The following COL11A1 variants were observed in gnomAD, a reference collection of about 807,000 sequenced individuals.
COL11A1 encodes collagen type XI alpha 1 chain, also known as collagen alpha-1(XI) chain.
A neutral mutation model predicts 265.2 loss-of-function variants in COL11A1; 74 were observed. That is an observed-to-expected ratio of 0.28 (90% CI 0.23 to 0.34). COL11A1 has a LOEUF of 0.34. COL11A1 is among the 10% of genes least tolerant of loss of function. COL11A1 has a pLI of 1.00. For missense variants in COL11A1, 2,165 were observed against 2,263.6 expected (o/e 0.96, Z 0.88); for synonymous variants, 816 against 727.6 (o/e 1.12, Z -1.96).
intron 56 of COL11A1, 44 bp from the exon 57 acceptor site, chr1:102,898,222 A>G: frequency 1.1e-6 from 1 of 896,282 alleles, no homozygotes; most frequent in South Asian, 3.5e-5. Flanking sequence ...TAATAAAATA[A>G]TACATATTTA....
At chr1:103,020,415 C>T (rs371261982) in intron 9 of COL11A1, among the ~76,000 whole-genome samples, 27 of 130,432 alleles carry the variant, frequency 2.1e-4, no homozygotes, top group South Asian at 5.7e-4. Flanking sequence ...TCATGTCCTT[C>T]GCCCACTTTT....
intron 35 of COL11A1, among the ~76,000 whole-genome samples, chr1:102,975,262 G>T (rs1327504977): frequency 2.6e-5 from 3 of 117,108 alleles, no homozygotes; most frequent in Admixed American, 8.4e-5. Flanking sequence ...CCACAGCCCC[G>T]CTTAAAAAAA....
At chr1:103,027,638 C>T (rs1044171195) in intron 5 of COL11A1, among the ~76,000 whole-genome samples, 1 of 151,742 alleles carries the variant, frequency 6.6e-6, no homozygotes, top group East Asian at 1.9e-4. Context: ...TTTAATCTTC[C>T]AGCAAAAGAA....
chr1:102,953,611 G>A (rs1660098669), intron 41 of COL11A1, among the ~76,000 whole-genome samples: 1 of 152,148 alleles, frequency 6.6e-6, no homozygotes, highest in African/African-American at 2.4e-5. Context: ...TTAGAGGACT[G>A]TAAGTGAACA....
At chr1:102,962,791 T>G (rs1557877317) in intron 38 of COL11A1, 31 bp from the exon 39 acceptor site, 3 of 1,591,994 alleles carry the variant, frequency 1.9e-6, no homozygotes, top group Non-Finnish European at 2.6e-6. Flanking sequence ...CACTTTAGAT[T>G]GCTCTTTTAT....
At chr1:103,007,729 G>A (rs142600682) in intron 15 of COL11A1, among the ~76,000 whole-genome samples, 3,746 of 151,896 alleles carry the variant, frequency 0.025, 60 homozygotes, top group Middle Eastern at 0.092. Context: ...GCATGGTGGC[G>A]CATGCCTGTA....
intron 24 of COL11A1, 33 bp downstream of exon 24, chr1:103,001,892 A>T: frequency 6.2e-7 from 1 of 1,606,420 alleles, no homozygotes; most frequent in Non-Finnish European, 8.5e-7. Context: ...AAACATGTTC[A>T]CCAGGCTTTA....
intron 49 of COL11A1, among the ~76,000 whole-genome samples, chr1:102,916,710 A>G (rs1333055755): frequency 6.6e-6 from 1 of 151,982 alleles, no homozygotes; most frequent in Non-Finnish European, 1.5e-5. Flanking sequence ...TACCCACTTA[A>G]TGGTGGAGAC....
At chr1:102,951,808 G>C (rs72985732) in intron 41 of COL11A1, among the ~76,000 whole-genome samples, 2,110 of 152,064 alleles carry the variant, frequency 0.014, 48 homozygotes, top group African/African-American at 0.048. Context: ...GTAGTCAAGA[G>C]AAATTTTTCA....
At chr1:103,043,150 A>G (rs1426676201) in intron 4 of COL11A1, among the ~76,000 whole-genome samples, 1 of 146,714 alleles carries the variant, frequency 6.8e-6, no homozygotes, top group Non-Finnish European at 1.5e-5. Context: ...TATAATGAAT[A>G]CCTGAAATAC....
chr1:103,088,076 C>T (rs1270280278), intron 1 of COL11A1, among the ~76,000 whole-genome samples: 1 of 152,172 alleles, frequency 6.6e-6, no homozygotes, highest in African/African-American at 2.4e-5. Context: ...TTGATCCTTT[C>T]TCCCTTGTTG....
intron 62 of COL11A1, among the ~76,000 whole-genome samples, chr1:102,887,867 C>T (rs1386961428): frequency 6.6e-6 from 1 of 152,118 alleles, no homozygotes; most frequent in African/African-American, 2.4e-5. Context: ...GGAAAGACAG[C>T]CACCACAAGC....
chr1:103,050,159 T>C (rs998148564), intron 4 of COL11A1, among the ~76,000 whole-genome samples: 33 of 152,346 alleles, frequency 2.2e-4, no homozygotes, highest in Admixed American at 6.5e-5. Context: ...CCTTGCTAGA[T>C]TGGGGAAGTT....
At chr1:102,934,264 C>A (rs1226651643) in intron 46 of COL11A1, among the ~76,000 whole-genome samples, 185 bp downstream of exon 46, 1 of 152,132 alleles carries the variant, frequency 6.6e-6, no homozygotes, top group Non-Finnish European at 1.5e-5. Flanking sequence ...GAGAATTAAT[C>A]ATACATGATA....
rs768163272 is a variant in COL11A1, at chr1:103,082,910, T to C, written c.169A>G (p.Thr57Ala). 6.2e-7 allele frequency: 1 copy of C among 1,613,588 alleles called. No individual in the cohort carries two copies. Among genetic ancestry groups the C allele is most frequent in the South Asian group, 1.1e-5 (1 of 91,038 alleles). The change falls in exon 2 of 67, where the codon ACA (threonine) becomes GCA (alanine). Residue 57 changes from threonine (T) to alanine (A), a missense_variant. Coordinates refer to ENST00000370096, the MANE Select transcript of COL11A1 (RefSeq NM_001854.4). The part of the protein sequence containing the change: ...FHNSPEGISK[T>A]TGFCTNRKNS... The stretch of plus-strand genomic sequence containing the variant: ...TTTCTGTTTGTGCAAAATCCCGTTG[T>C]TTTTGATATTCCCTCTGGAGAATTG...
intron 63 of COL11A1, chr1:102,884,562 G>C (rs2169608): frequency 0.49 from 74,366 of 152,060 alleles, 21,790 homozygotes; most frequent in East Asian, 0.67. Flanking sequence ...AATGGTTGGA[G>C]TTTAACTGGT....
intron 4 of COL11A1, among the ~76,000 whole-genome samples, chr1:103,048,688 G>A (rs1468054285): frequency 1.3e-5 from 2 of 152,082 alleles, no homozygotes; most frequent in Admixed American, 1.3e-4. Context: ...TAATTGTGAT[G>A]TTAGGGTGTC....
At chr1:102,953,220 T>C (rs1223229255) in intron 41 of COL11A1, among the ~76,000 whole-genome samples, 3 of 152,210 alleles carry the variant, frequency 2.0e-5, no homozygotes, top group Non-Finnish European at 4.4e-5. Flanking sequence ...TAGATAATGA[T>C]CAACTTCACA....
chr1:103,002,085 T>G, intron 23 of COL11A1, 116 bp from the exon 24 acceptor site: 1 of 887,068 alleles, frequency 1.1e-6, no homozygotes, highest in Admixed American at 2.0e-5. Context: ...TCTGTATATA[T>G]TCCCATACAC....
Sources: allele counts gnomAD v4.1 joint callset (sites outside exome capture counted in the v4.1 genomes callset), GRCh38; gene constraint gnomAD v4.1.1; transcripts MANE v1.5; gene names NCBI Gene and HGNC (gene_info 2026-07-23, HGNC 2026-07-21).